TP63: variants seen among roughly 807,000 people sequenced by gnomAD.
TP63 encodes the protein tumor protein p63, also known as tumor protein 63.
In TP63, 17 loss-of-function variants were observed where a neutral mutation model predicts 82.8. The ratio of observed to expected loss-of-function variants is 0.21; its 90% CI spans 0.14 to 0.31. TP63 has a LOEUF of 0.31. TP63 is among the 10% of genes least tolerant of loss of function. The probability of loss-of-function intolerance (pLI) is 1.00; values close to 1 mark genes in which losing one functional copy is unlikely to be tolerated. For synonymous variants in TP63, 330 were observed against 321.7 expected (o/e 1.03, Z -0.28); for missense variants, 648 against 895.3 (o/e 0.72, Z 3.52).
chr3:189,815,099 C>A (rs546078703), intron 4 of TP63, among the ~76,000 whole-genome samples: 8 of 151,974 alleles, frequency 5.3e-5, no homozygotes, highest in Non-Finnish European at 1.2e-4. Flanking sequence ...TTTCTACTCC[C>A]TCCTTCTCTT....
chr3:189,766,649 G>A (rs1422292511), intron 3 of TP63, among the ~76,000 whole-genome samples: 1 of 152,032 alleles, frequency 6.6e-6, no homozygotes, highest in African/African-American at 2.4e-5. Context: ...CTTTTCTCCA[G>A]ACTGTCTCCT....
chr3:189,896,620 T>C lies in TP63; in HGVS notation c.*2118T>C, dbSNP rs2108878837. 4.8e-6 allele frequency: 1 copy of C among 209,392 alleles called. No homozygotes were observed. Among genetic ancestry groups the C allele is most frequent in the African/African-American group, 2.3e-5 (1 of 44,202 alleles). The allele number at this position is 209,392 out of a possible 1,614,324, so 13.0% of individuals were successfully genotyped here. A position where few individuals can be genotyped will look rare whatever the true frequency, so the allele number is the denominator to read the frequency against. Reference sequence around the variant, plus strand: ...CCTTGGTCCTAGTAAGAAGACAAACTGCTTCCCTTACTTTGCTGAGGGTTT... The same window carrying C: ...CCTTGGTCCTAGTAAGAAGACAAACCGCTTCCCTTACTTTGCTGAGGGTTT... On this transcript the variant is annotated 3_prime_UTR_variant, in exon 14 of 14. Transcript: ENST00000264731.
intron 4 of TP63, among the ~76,000 whole-genome samples, chr3:189,843,451 G>A (rs569935483): frequency 6.6e-6 from 1 of 152,304 alleles, no homozygotes; most frequent in East Asian, 1.9e-4. Context: ...CCCTTTGGCT[G>A]GAGCCATCAG....
At chr3:189,623,412 T>A in the TP63 span, among the ~76,000 whole-genome samples, 1 of 152,220 alleles carries the variant, frequency 6.6e-6, no homozygotes, top group Non-Finnish European at 1.5e-5. Context: ...TTCATCAGGT[T>A]ACCAGATATT....
At chr3:189,735,167 T>G (rs900896807) in intron 1 of TP63, among the ~76,000 whole-genome samples, 4 of 152,178 alleles carry the variant, frequency 2.6e-5, no homozygotes, top group Admixed American at 2.0e-4. Context: ...TACCTTGGCT[T>G]CTAAAATACC....
At chr3:189,817,845 A>G (rs7432936) in intron 4 of TP63, among the ~76,000 whole-genome samples, 33,593 of 151,778 alleles carry the variant, frequency 0.22, 4,248 homozygotes, top group Admixed American at 0.35. Flanking sequence ...TATTCGTAAC[A>G]TTTTTGCAGA....
At chr3:189,755,479 T>C (rs972390920) in intron 3 of TP63, among the ~76,000 whole-genome samples, 21 of 152,160 alleles carry the variant, frequency 1.4e-4, no homozygotes, top group African/African-American at 5.1e-4. Flanking sequence ...TGTTATAATA[T>C]ACTTCTTTCA....
intron 5 of TP63, among the ~76,000 whole-genome samples, chr3:189,865,480 G>A (rs1717610463): frequency 6.6e-6 from 1 of 152,172 alleles, no homozygotes; most frequent in South Asian, 2.1e-4. Context: ...GCTGAAAAGT[G>A]GAAGGTAAGA....
chr3:189,635,109 A>G (rs1310048295), intron 1 of TP63, among the ~76,000 whole-genome samples: 2 of 152,136 alleles, frequency 1.3e-5, no homozygotes, highest in African/African-American at 2.4e-5. Context: ...CATCATTTCA[A>G]TTTGAACCAC....
chr3:189,774,771 G>A (rs531062582), intron 3 of TP63, among the ~76,000 whole-genome samples: 64 of 152,096 alleles, frequency 4.2e-4, no homozygotes, highest in Non-Finnish European at 6.8e-4. Flanking sequence ...TTTGACTCCC[G>A]GCCAAGTATG....
intron 3 of TP63, among the ~76,000 whole-genome samples, chr3:189,791,988 A>G (rs959717347): frequency 2.0e-5 from 3 of 152,100 alleles, no homozygotes; most frequent in African/African-American, 7.2e-5. Flanking sequence ...AAAAGGCATA[A>G]AACTCCCTGT....
the TP63 span, among the ~76,000 whole-genome samples, chr3:189,621,058 C>G: frequency 4.6e-5 from 7 of 152,120 alleles, no homozygotes; most frequent in South Asian, 4.1e-4. Context: ...GTACATTTAT[C>G]CCATGACTAA....
At chr3:189,820,157 A>G (rs1325598671) in intron 4 of TP63, among the ~76,000 whole-genome samples, 2 of 152,224 alleles carry the variant, frequency 1.3e-5, no homozygotes, top group African/African-American at 2.4e-5. Context: ...GAATTATCAC[A>G]TAATTTAGCA....
At chr3:189,672,656 GGAAGGAAAGA>G (rs1715006973) in intron 1 of TP63, among the ~76,000 whole-genome samples, 4 of 118,800 alleles carry the variant, frequency 3.4e-5, no homozygotes, top group Non-Finnish European at 7.2e-5. Flanking sequence ...GAGGGAGGAA[GGAAGGAAAGA>G]AGGAAGGAAG....
At position 189,881,587 on chromosome 3, in the gene TP63, G is replaced by A. The variant is rs1001652925; in HGVS notation, c.1350-4807G>A. On this transcript the variant is annotated intron_variant, in intron 10 of 13. Coordinates refer to ENST00000264731, the MANE Select transcript of TP63 (RefSeq NM_003722.5). Reference sequence around the variant, plus strand: ...TAAGTGCTTGAAGTAGCATGTGTAGGTCTAAGGAACAAGAATAATAATAGA... The same window carrying A: ...TAAGTGCTTGAAGTAGCATGTGTAGATCTAAGGAACAAGAATAATAATAGA... 12 of 892,616 alleles carry A rather than the reference G, an allele frequency of 1.3e-5. No individual in the cohort carries two copies. The Admixed American group carries it at 1.9e-4, about 14-fold the overall frequency. The allele number at this position is 892,616 out of a possible 1,614,324, so 55.3% of individuals were successfully genotyped here. A position where few individuals can be genotyped will look rare whatever the true frequency, so the allele number is the denominator to read the frequency against.
chr3:189,614,185 T>A, the TP63 span, among the ~76,000 whole-genome samples: 8 of 152,230 alleles, frequency 5.3e-5, no homozygotes, highest in East Asian at 1.4e-3. Flanking sequence ...AATTCCCACC[T>A]GTTGTGGGAG....
At chr3:189,887,918 G>A (rs578141579) in intron 11 of TP63, among the ~76,000 whole-genome samples, 16 of 149,856 alleles carry the variant, frequency 1.1e-4, no homozygotes, top group Non-Finnish European at 1.5e-4. Flanking sequence ...GTGCAATGGC[G>A]CAATCTCGGC....
At chr3:189,716,859 C>T (rs989381804) in intron 1 of TP63, among the ~76,000 whole-genome samples, 3 of 151,662 alleles carry the variant, frequency 2.0e-5, no homozygotes, top group African/African-American at 7.3e-5. Context: ...AGTGCAGTGG[C>T]GCAATCTCGG....
upstream of TP63, among the ~76,000 whole-genome samples, chr3:189,629,433 A>AT (rs1419651565): frequency 5.9e-5 from 9 of 152,070 alleles, no homozygotes; most frequent in African/African-American, 1.9e-4. Context: ...AATTAATTAA[A>AT]TTTTAAAGAC....
Sources: allele counts gnomAD v4.1 joint callset (sites outside exome capture counted in the v4.1 genomes callset), GRCh38; gene constraint gnomAD v4.1.1; transcripts MANE v1.5; gene names NCBI Gene and HGNC (gene_info 2026-07-23, HGNC 2026-07-21).